Variants in TANC2 observed in about 807,000 individuals in gnomAD.
The protein encoded by TANC2 is tetratricopeptide repeat, ankyrin repeat and coiled-coil containing 2, also known as protein TANC2.
A neutral mutation model predicts 210.5 loss-of-function variants in TANC2; 26 were observed. The observed-to-expected ratio is 0.12, with a 90% CI of 0.09 to 0.17. The LOEUF is 0.17. TANC2 is among the 10% of genes least tolerant of loss of function. The pLI is 1.00. For synonymous variants in TANC2, 931 were observed against 967.1 expected (o/e 0.96, Z 0.69); for missense variants, 2,129 against 2,608.9 (o/e 0.82, Z 4.01).
intron 1 of TANC2, chr17:63,005,050 CTT>C (rs2033555017): frequency 2.6e-5 from 4 of 151,670 alleles, no homozygotes; most frequent in African/African-American, 7.4e-5. Flanking sequence ...TTGTTGCCTT[CTT>C]CTTCACACTG....
At chr17:63,151,418 A>C in intron 5 of TANC2, 38 bp downstream of exon 5, 2 of 948,976 alleles carry the variant, frequency 2.1e-6, no homozygotes, top group Non-Finnish European at 2.5e-6. Flanking sequence ...TGAAAGAGGG[A>C]GGATTGGATC....
chr17:63,226,081 A>G (rs1364312388), intron 7 of TANC2, among the ~76,000 whole-genome samples: 2 of 152,192 alleles, frequency 1.3e-5, no homozygotes, highest in African/African-American at 2.4e-5. Context: ...AATGAAACTC[A>G]CAAATTACTG....
At chr17:62,972,887 C>T (rs1311250539) in intron 1 of TANC2, among the ~76,000 whole-genome samples, 2 of 152,100 alleles carry the variant, frequency 1.3e-5, no homozygotes, top group Non-Finnish European at 2.9e-5. Context: ...CCTTTGTTCT[C>T]TGGGCAAACT....
At chr17:63,357,000 C>T (rs2046801055) in intron 14 of TANC2, among the ~76,000 whole-genome samples, 1 of 152,070 alleles carries the variant, frequency 6.6e-6, no homozygotes, top group Non-Finnish European at 1.5e-5. Flanking sequence ...CATTTTGGAG[C>T]ACAAGATTTT....
At chr17:63,237,696 A>G in intron 7 of TANC2, 118 bp from the exon 8 acceptor site, 1 of 1,047,468 alleles carries the variant, frequency 9.5e-7, no homozygotes, top group South Asian at 1.7e-5. Context: ...CAGTTTTTCT[A>G]GCACCATTTT....
At chr17:62,976,716 A>C (rs2032021596) in intron 1 of TANC2, among the ~76,000 whole-genome samples, 1 of 152,214 alleles carries the variant, frequency 6.6e-6, no homozygotes, top group Non-Finnish European at 1.5e-5. Flanking sequence ...CTGTAATAAA[A>C]AAAATTAATG....
chr17:63,123,224 A>T (rs2038553120), intron 4 of TANC2, among the ~76,000 whole-genome samples: 1 of 152,152 alleles, frequency 6.6e-6, no homozygotes, highest in Admixed American at 6.5e-5. Context: ...ATTTTAAGAG[A>T]TTGATAGACA....
intron 19 of TANC2, among the ~76,000 whole-genome samples, chr17:63,404,043 T>C (rs1006582294): frequency 1.3e-5 from 2 of 152,200 alleles, no homozygotes; most frequent in Non-Finnish European, 2.9e-5. Flanking sequence ...ATTTTCTGGT[T>C]TGTTACTGGA....
chr17:63,000,985 A>T (rs1051199534), intron 1 of TANC2, among the ~76,000 whole-genome samples: 4 of 134,114 alleles, frequency 3.0e-5, no homozygotes, highest in Non-Finnish European at 6.4e-5. Flanking sequence ...AAAAAAAAAA[A>T]ACCCTCTATA....
At chr17:63,037,518 C>CAT (rs139712548) in intron 2 of TANC2, among the ~76,000 whole-genome samples, 25 of 151,352 alleles carry the variant, frequency 1.7e-4, no homozygotes, top group African/African-American at 2.2e-4. Flanking sequence ...ATATTTAAAA[C>CAT]ATATATATAT....
intron 9 of TANC2, among the ~76,000 whole-genome samples, chr17:63,286,575 C>G (rs1019386999): frequency 6.6e-6 from 1 of 151,984 alleles, no homozygotes; most frequent in African/African-American, 2.4e-5. Flanking sequence ...TTTGATGTGC[C>G]TTAGTGTCAT....
intron 14 of TANC2, among the ~76,000 whole-genome samples, chr17:63,377,266 G>C (rs986185767): frequency 6.6e-6 from 1 of 152,214 alleles, no homozygotes; most frequent in African/African-American, 2.4e-5. Context: ...TGAGTATGCA[G>C]ATTTCTGCAG....
intron 11 of TANC2, among the ~76,000 whole-genome samples, chr17:63,335,627 A>G (rs972952855): frequency 1.3e-4 from 20 of 150,784 alleles, no homozygotes; most frequent in African/African-American, 4.8e-4. Context: ...AAAAAAAAAA[A>G]GTGTCAAGGA....
intron 5 of TANC2, among the ~76,000 whole-genome samples, chr17:63,168,240 G>A (rs6504154): frequency 0.2 from 30,288 of 152,120 alleles, 6,380 homozygotes; most frequent in African/African-American, 0.54. Context: ...TAGTTTCGGA[G>A]GAGAGGTAGA....
intron 7 of TANC2, among the ~76,000 whole-genome samples, chr17:63,211,238 A>T (rs1003631118): frequency 5.3e-5 from 8 of 151,828 alleles, no homozygotes; most frequent in Non-Finnish European, 7.4e-5. Flanking sequence ...TGACCATATC[A>T]CTCTTTTGGC....
intron 9 of TANC2, among the ~76,000 whole-genome samples, chr17:63,289,629 C>T (rs945852603): frequency 1.3e-5 from 2 of 152,170 alleles, no homozygotes; most frequent in African/African-American, 4.8e-5. Context: ...GCGCCTTTAA[C>T]GTGTTAATCA....
chr17:62,989,510 A>T (rs1196066304), intron 1 of TANC2, among the ~76,000 whole-genome samples: 1 of 152,188 alleles, frequency 6.6e-6, no homozygotes, highest in Non-Finnish European at 1.5e-5. Flanking sequence ...TAACAGTTTA[A>T]TTTTAACTTC....
intron 3 of TANC2, among the ~76,000 whole-genome samples, chr17:63,091,589 T>C (rs2037195937): frequency 6.6e-6 from 1 of 152,228 alleles, no homozygotes. Flanking sequence ...TTGGTACCAG[T>C]ACCATGCTGT....
intron 9 of TANC2, among the ~76,000 whole-genome samples, chr17:63,306,045 G>A (rs2044892081): frequency 6.6e-6 from 1 of 152,154 alleles, no homozygotes; most frequent in Non-Finnish European, 1.5e-5. Context: ...CGCTAGAAGG[G>A]AATGACGTAA....
Sources: gnomAD v4.1 joint callset for allele counts (sites outside exome capture counted in the v4.1 genomes callset) on GRCh38, gnomAD v4.1.1 for gene constraint, MANE v1.5 for transcripts, NCBI Gene and HGNC (gene_info 2026-07-23, HGNC 2026-07-21) for gene names.